Variants in FLVCR2 observed in about 807,000 individuals in gnomAD.
The protein encoded by FLVCR2 is FLVCR choline and putative heme transporter 2.
In FLVCR2, 38 loss-of-function variants were observed where a neutral mutation model predicts 48.9. The observed-to-expected ratio is 0.78, with a 90% CI of 0.60 to 1.02. The LOEUF (loss-of-function observed/expected upper bound fraction) is 1.02. Among genes scored for constraint, FLVCR2 ranks in the 50% least tolerant of loss-of-function variants. The pLI is 0.00. For missense variants in FLVCR2, 664 were observed against 663.3 expected (o/e 1.00, Z -0.01); for synonymous variants, 255 against 257.0 (o/e 0.99, Z 0.07).
chr14:75,601,488 C>T (rs1218740537), intron 1 of FLVCR2, among the ~76,000 whole-genome samples: 3 of 151,936 alleles, frequency 2.0e-5, no homozygotes, highest in African/African-American at 7.3e-5. Flanking sequence ...AAACCACTGT[C>T]AGATACCACT....
At chr14:75,636,455 T>C (rs1890168895) in intron 5 of FLVCR2, among the ~76,000 whole-genome samples, 1 of 152,188 alleles carries the variant, frequency 6.6e-6, no homozygotes, top group South Asian at 2.1e-4. Context: ...TGAATAGCAG[T>C]GACCCTTTTT....
chr14:75,634,134 G>A (rs1890108345), intron 4 of FLVCR2, among the ~76,000 whole-genome samples: 2 of 152,074 alleles, frequency 1.3e-5, no homozygotes, highest in African/African-American at 2.4e-5. Flanking sequence ...CAGAACCCAC[G>A]AGGGCTGGGC....
intron 3 of FLVCR2, among the ~76,000 whole-genome samples, chr14:75,628,948 C>T (rs1594810722): frequency 6.6e-6 from 1 of 152,198 alleles, no homozygotes; most frequent in African/African-American, 2.4e-5. Context: ...TACTGGTTTC[C>T]AGCGTTGCTT....
chr14:75,587,721 G>A (rs1888785398), intron 1 of FLVCR2, among the ~76,000 whole-genome samples: 1 of 152,172 alleles, frequency 6.6e-6, no homozygotes, highest in South Asian at 2.1e-4. Flanking sequence ...TAAGAGATAT[G>A]CACACATTGT....
chr14:75,639,054 A>G (rs1412359305), intron 5 of FLVCR2, among the ~76,000 whole-genome samples: 2 of 152,170 alleles, frequency 1.3e-5, no homozygotes, highest in Non-Finnish European at 2.9e-5. Context: ...GTCTCTATGA[A>G]AAATACAAAA....
At chr14:75,623,844 A>G (rs1889822735) in intron 2 of FLVCR2, among the ~76,000 whole-genome samples, 1 of 152,088 alleles carries the variant, frequency 6.6e-6, no homozygotes, top group South Asian at 2.1e-4. Flanking sequence ...TGAGGTCAGG[A>G]GTTCAAGACC....
At chr14:75,625,690 A>G (rs1889884459) in intron 3 of FLVCR2, among the ~76,000 whole-genome samples, 1 of 152,058 alleles carries the variant, frequency 6.6e-6, no homozygotes, top group East Asian at 1.9e-4. Context: ...TTGGTTTGAC[A>G]TGACTTATTC....
chr14:75,621,146 C>A (rs1317320280), intron 1 of FLVCR2, among the ~76,000 whole-genome samples: 1 of 152,044 alleles, frequency 6.6e-6, no homozygotes, highest in East Asian at 1.9e-4. Context: ...GGACTCCAAC[C>A]CAGATAAGAA....
At chr14:75,619,135 A>G (rs1471728514) in intron 1 of FLVCR2, among the ~76,000 whole-genome samples, 1 of 152,002 alleles carries the variant, frequency 6.6e-6, no homozygotes, top group Non-Finnish European at 1.5e-5. Flanking sequence ...GAGGTAGGAG[A>G]ATCACTTGAA....
At chr14:75,634,184 G>A (rs1415008813) in intron 4 of FLVCR2, among the ~76,000 whole-genome samples, 3 of 152,182 alleles carry the variant, frequency 2.0e-5, no homozygotes, top group African/African-American at 7.2e-5. Flanking sequence ...CTGGAGTCAG[G>A]AATACGGAGA....
At chr14:75,609,874 C>CCTTAAA (rs1889394003) in intron 1 of FLVCR2, among the ~76,000 whole-genome samples, 1 of 150,240 alleles carries the variant, frequency 6.7e-6, no homozygotes, top group Non-Finnish European at 1.5e-5. Flanking sequence ...TGTCAAAGGT[C>CCTTAAA]AGGGAGTGGC....
At chr14:75,628,263 C>T (rs927975864) in intron 3 of FLVCR2, among the ~76,000 whole-genome samples, 15 of 152,088 alleles carry the variant, frequency 9.9e-5, no homozygotes, top group East Asian at 1.9e-4. Flanking sequence ...TACAGGTACC[C>T]GCCACCACAT....
Position 75,579,397 on chromosome 14 carries a change from C to T in FLVCR2, c.425C>T (p.Ala142Val). ...LTYIPLLLPV[A>V]WLLEKFGLRT... ...TACATCCCTCTGCTCCTGCCAGTGG[C>T]TTGGCTGCTGGAGAAGTTCGGCCTG... The change falls in exon 1 of 10, where the codon GCT becomes GTT. Residue 142 changes from alanine to valine, a missense_variant. Coordinates refer to ENST00000238667, the MANE Select transcript of FLVCR2 (RefSeq NM_017791.3). The T allele has an allele frequency of 6.2e-7, 1 of 1,614,202 alleles. No homozygotes were observed. The highest frequency in any genetic ancestry group is 1.1e-5 in the South Asian group (1 of 91,088).
At chr14:75,616,318 T>A (rs959550667) in intron 1 of FLVCR2, among the ~76,000 whole-genome samples, 1 of 151,194 alleles carries the variant, frequency 6.6e-6, no homozygotes, top group African/African-American at 2.4e-5. Flanking sequence ...AGAGTGAGAC[T>A]CTGTCTCAAA....
chr14:75,586,078 C>T (rs1057137227), intron 1 of FLVCR2, among the ~76,000 whole-genome samples: 86 of 152,302 alleles, frequency 5.6e-4, no homozygotes, highest in African/African-American at 1.9e-3. Context: ...AAATGTCTCA[C>T]GCATCCACGT....
chr14:75,615,046 A>T (rs892174652), intron 1 of FLVCR2, among the ~76,000 whole-genome samples: 1 of 152,212 alleles, frequency 6.6e-6, no homozygotes, highest in Non-Finnish European at 1.5e-5. Context: ...AATGGCTAAG[A>T]ACAGTAGCTG....
In FLVCR2 at chr14:75,622,193, A is replaced by G; in HGVS notation, c.784A>G (p.Thr262Ala). 1 of 1,613,414 alleles carries G rather than the reference A, an allele frequency of 6.2e-7. No individual in the cohort carries two copies. The highest frequency in any genetic ancestry group is 8.5e-7 in the Non-Finnish European group (1 of 1,179,552). ...GTTCTATATAATAGGAGGTGTGGCCACTCTCCTCCTCATCCTTGTCATCAT... is the reference window on the plus strand; with the variant it reads ...GTTCTATATAATAGGAGGTGTGGCCGCTCTCCTCCTCATCCTTGTCATCAT... ...IMFYIIGGVATLLLILVIIVF... is the reference protein window; with the variant it reads ...IMFYIIGGVAALLLILVIIVF... Residue 262 changes from threonine (T) to alanine (A), a missense_variant, in exon 2 of 10, where the codon ACT (threonine) becomes GCT (alanine). Coordinates refer to ENST00000238667, the MANE Select transcript of FLVCR2 (RefSeq NM_017791.3).
chr14:75,629,858 G>A (rs1889996723), intron 3 of FLVCR2, among the ~76,000 whole-genome samples: 1 of 152,220 alleles, frequency 6.6e-6, no homozygotes, highest in African/African-American at 2.4e-5. Flanking sequence ...TGAACTCAGA[G>A]CCTCAACTTG....
At chr14:75,597,577 CT>C (rs149988837) in intron 1 of FLVCR2, among the ~76,000 whole-genome samples, 4 of 148,462 alleles carry the variant, frequency 2.7e-5, no homozygotes, top group African/African-American at 2.5e-5. Flanking sequence ...TTTGTATTCT[CT>C]TTTTTTTTTG....
Sources: gnomAD v4.1 joint callset for allele counts (sites outside exome capture counted in the v4.1 genomes callset) on GRCh38, gnomAD v4.1.1 for gene constraint, MANE v1.5 for transcripts, NCBI Gene and HGNC (gene_info 2026-07-23, HGNC 2026-07-21) for gene names.